NPAS3: variants seen among roughly 807,000 people sequenced by gnomAD.
NPAS3 encodes neuronal PAS domain protein 3.
NPAS3 carries 14 observed loss-of-function variants against 73.1 expected under a neutral mutation model. The observed-to-expected ratio is 0.19, with a 90% CI of 0.13 to 0.30. The LOEUF (loss-of-function observed/expected upper bound fraction) is 0.30. Among genes scored for constraint, NPAS3 ranks in the 10% least tolerant of loss-of-function variants. The pLI is 1.00. For synonymous variants in NPAS3, 620 were observed against 541.5 expected, an observed-to-expected ratio of 1.14 and a Z score of -2.01; for missense variants, 1,096 against 1,250.0, an observed-to-expected ratio of 0.88 and a Z score of 1.86.
intron 7 of NPAS3, among the ~76,000 whole-genome samples, chr14:33,765,840 C>G (rs2062446411): frequency 1.3e-5 from 2 of 152,148 alleles, no homozygotes; most frequent in South Asian, 2.1e-4. Context: ...ATACAGGGCA[C>G]TAGGAGTTCT....
chr14:33,726,263 C>T (rs569231628), intron 6 of NPAS3, among the ~76,000 whole-genome samples: 1 of 152,186 alleles, frequency 6.6e-6, no homozygotes, highest in African/African-American at 2.4e-5. Flanking sequence ...CATCTGAGAG[C>T]ATTGGACACT....
intron 4 of NPAS3, among the ~76,000 whole-genome samples, chr14:33,374,711 G>A (rs1032834634): frequency 6.7e-6 from 1 of 148,934 alleles, no homozygotes; most frequent in East Asian, 2.0e-4. Context: ...GGGCGGGGGG[G>A]GGAGTAGAGA....
chr14:33,081,952 A>G (rs1192460643), intron 2 of NPAS3, among the ~76,000 whole-genome samples: 1 of 152,260 alleles, frequency 6.6e-6, no homozygotes, highest in Non-Finnish European at 1.5e-5. Context: ...TCTCCTGGAC[A>G]GCCAAACGTG....
At chr14:33,585,533 A>G (rs147195219) in intron 5 of NPAS3, among the ~76,000 whole-genome samples, 7 of 152,312 alleles carry the variant, frequency 4.6e-5, no homozygotes, top group African/African-American at 1.7e-4. Context: ...GATCTTTTGG[A>G]TTGAAATAAC....
chr14:33,113,403 C>A (rs1216484773), intron 2 of NPAS3, among the ~76,000 whole-genome samples: 2 of 152,086 alleles, frequency 1.3e-5, no homozygotes, highest in African/African-American at 2.4e-5. Context: ...AAGTTGGATT[C>A]CTAGGTATTT....
At chr14:33,228,483 A>C (rs2047719732) in intron 3 of NPAS3, among the ~76,000 whole-genome samples, 1 of 152,190 alleles carries the variant, frequency 6.6e-6, no homozygotes, top group Admixed American at 6.5e-5. Context: ...TAGAGCTGAC[A>C]TTTCCTTTCT....
In NPAS3 at chr14:33,789,745, C is replaced by T. The variant is rs539041241; in HGVS notation, c.1154-4152C>T. Reference sequence around the variant, plus strand: ...CTGGGACTACAGGCGCCCGCCACCACGCCCGGCTAATTTTTTGTATTTTTT... The same window carrying T: ...CTGGGACTACAGGCGCCCGCCACCATGCCCGGCTAATTTTTTGTATTTTTT... On this transcript the variant is annotated intron_variant, in intron 9 of 11. Coordinates refer to ENST00000356141, the Ensembl canonical transcript of NPAS3. 1.5e-3 allele frequency among the ~76,000 whole-genome samples: 202 copies of T among 137,000 alleles called. 1 individual carries two copies. The highest frequency in any genetic ancestry group is 5.5e-3 in the African/African-American group (194 of 35,046). 89.9% of individuals were successfully genotyped at this position (137,000 alleles called of 152,430 possible). A position where few individuals can be genotyped will look rare whatever the true frequency, so the allele number is the denominator to read the frequency against.
intron 5 of NPAS3, among the ~76,000 whole-genome samples, chr14:33,648,645 G>A (rs2058903113): frequency 6.6e-6 from 1 of 152,186 alleles, no homozygotes; most frequent in Non-Finnish European, 1.5e-5. Context: ...CCTCTGGACT[G>A]GCATAGAGTT....
chr14:33,384,256 C>G (rs748656173), intron 4 of NPAS3, among the ~76,000 whole-genome samples: 16 of 151,870 alleles, frequency 1.1e-4, no homozygotes, highest in Non-Finnish European at 2.2e-4. Context: ...AGAAATAAAA[C>G]CCTGAGATTT....
chr14:33,511,788 A>G (rs2053067919), intron 4 of NPAS3, among the ~76,000 whole-genome samples: 1 of 151,912 alleles, frequency 6.6e-6, no homozygotes, highest in African/African-American at 2.4e-5. Flanking sequence ...GAAAGAATGA[A>G]TTTTTTTTCC....
intron 4 of NPAS3, among the ~76,000 whole-genome samples, chr14:33,416,546 T>G (rs1369639269): frequency 1.3e-5 from 2 of 151,950 alleles, no homozygotes; most frequent in African/African-American, 2.4e-5. Flanking sequence ...CATTAAAACA[T>G]AGAATTAAAA....
intron 1 of NPAS3, among the ~76,000 whole-genome samples, chr14:33,017,805 T>C (rs976110210): frequency 6.6e-6 from 1 of 152,160 alleles, no homozygotes; most frequent in Non-Finnish European, 1.5e-5. Flanking sequence ...TGAAAAAAAC[T>C]AAGCCTTAGA....
chr14:33,724,654 A>G (rs191566496), intron 6 of NPAS3, among the ~76,000 whole-genome samples: 2 of 152,216 alleles, frequency 1.3e-5, no homozygotes, highest in Admixed American at 1.3e-4. Context: ...AAAAATGCAT[A>G]TTAAAAACAT....
intron 3 of NPAS3, among the ~76,000 whole-genome samples, chr14:33,348,293 C>A (rs922409918): frequency 3.3e-5 from 5 of 152,218 alleles, no homozygotes; most frequent in African/African-American, 9.6e-5. Flanking sequence ...CCATGGGGAC[C>A]CCTCAGCACC....
At chr14:33,312,405 G>A (rs1055506948) in intron 3 of NPAS3, among the ~76,000 whole-genome samples, 2 of 152,024 alleles carry the variant, frequency 1.3e-5, no homozygotes, top group African/African-American at 4.8e-5. Flanking sequence ...TTGTGTGTGT[G>A]TGTGTGAGTG....
intron 4 of NPAS3, among the ~76,000 whole-genome samples, chr14:33,517,195 G>A: frequency 6.6e-6 from 1 of 152,056 alleles, no homozygotes; most frequent in Non-Finnish European, 1.5e-5. Flanking sequence ...TAAATCAGGT[G>A]ATTGTAGTTC....
intron 3 of NPAS3, among the ~76,000 whole-genome samples, chr14:33,341,063 T>A (rs1367412350): frequency 6.6e-6 from 1 of 152,242 alleles, no homozygotes; most frequent in Non-Finnish European, 1.5e-5. Context: ...TGCCAAACTC[T>A]ACTTCAACAG....
intron 4 of NPAS3, among the ~76,000 whole-genome samples, chr14:33,469,858 G>A (rs2050705049): frequency 6.6e-6 from 1 of 152,144 alleles, no homozygotes; most frequent in Non-Finnish European, 1.5e-5. Context: ...TAAACTTATA[G>A]GGCTGAATTA....
intron 2 of NPAS3, among the ~76,000 whole-genome samples, chr14:33,187,494 A>C (rs993471714): frequency 2.6e-5 from 4 of 152,176 alleles, no homozygotes; most frequent in African/African-American, 9.7e-5. Flanking sequence ...GGACTTAAAA[A>C]AAATTATGTA....
Sources: gnomAD v4.1 joint callset for allele counts (sites outside exome capture counted in the v4.1 genomes callset) on GRCh38, gnomAD v4.1.1 for gene constraint, MANE v1.5 for transcripts, NCBI Gene and HGNC (gene_info 2026-07-23, HGNC 2026-07-21) for gene names.